GRM7: variants seen among roughly 807,000 people sequenced by gnomAD.
The protein encoded by GRM7 is glutamate metabotropic receptor 7.
In GRM7, 35 loss-of-function variants were observed where a neutral mutation model predicts 84.5. The observed-to-expected ratio is 0.41, with a 90% CI of 0.32 to 0.55. GRM7 has a LOEUF of 0.55. GRM7 is among the 20% of genes least tolerant of loss of function. GRM7 has a pLI of 0.19. For missense variants in GRM7, 1,003 were observed against 1,194.6 expected, an observed-to-expected ratio of 0.84 and a Z score of 2.36; for synonymous variants, 487 against 455.1, an observed-to-expected ratio of 1.07 and a Z score of -0.89.
At chr3:7,264,921 C>T (rs769604663) in intron 2 of GRM7, among the ~76,000 whole-genome samples, 10 of 152,186 alleles carry the variant, frequency 6.6e-5, no homozygotes, top group Non-Finnish European at 1.3e-4. Flanking sequence ...ATGAAAGTTG[C>T]ATTACTAGTT....
chr3:7,571,472 G>A (rs188922656), intron 7 of GRM7, among the ~76,000 whole-genome samples: 3 of 152,134 alleles, frequency 2.0e-5, no homozygotes, highest in Admixed American at 2.0e-4. Context: ...ATGCCACCAA[G>A]TCTCTTTGCT....
rs185534982 is a variant in GRM7 at position 7,341,254 on chromosome 3, A to G, written c.1033+34602A>G. On this transcript the variant is annotated intron_variant, in intron 4 of 9. Transcript: ENST00000357716. ...AGTACTTTCTAGAGTTTACATGAGG[A>G]TGAAAATTCAACAAATGTAACTTTA... 1.7e-3 allele frequency among the ~76,000 whole-genome samples: 256 copies of G among 152,270 alleles called. 1 individual carries two copies. Among genetic ancestry groups the G allele is most frequent in the African/African-American group, 5.8e-3 (240 of 41,572 alleles).
chr3:6,878,543 A>AAATAATAATAATAATAATAATAATAAT (rs58165323), intron 1 of GRM7, among the ~76,000 whole-genome samples: 12 of 150,290 alleles, frequency 8.0e-5, no homozygotes, highest in African/African-American at 2.9e-4. Context: ...GATTAACATA[A>AAATAATAATAATAATAATAATAATAAT]AATAATAATA....
intron 4 of GRM7, among the ~76,000 whole-genome samples, chr3:7,345,504 G>A (rs892381286): frequency 2.0e-5 from 3 of 151,994 alleles, no homozygotes; most frequent in African/African-American, 4.8e-5. Flanking sequence ...GGCTGGTCTC[G>A]AACTCCTGAC....
intron 2 of GRM7, among the ~76,000 whole-genome samples, chr3:7,270,673 A>C (rs1018560582): frequency 6.6e-6 from 1 of 152,210 alleles, no homozygotes; most frequent in African/African-American, 2.4e-5. Flanking sequence ...AAACAAACGC[A>C]GTTACGGATG....
intron 7 of GRM7, among the ~76,000 whole-genome samples, chr3:7,547,289 C>G (rs1250403088): frequency 6.8e-6 from 1 of 146,956 alleles, no homozygotes; most frequent in Non-Finnish European, 1.5e-5. Context: ...TCACTGCAAG[C>G]TCCACCCCCC....
intron 4 of GRM7, among the ~76,000 whole-genome samples, chr3:7,324,923 C>T (rs1334039184): frequency 6.6e-6 from 1 of 152,144 alleles, no homozygotes. Context: ...TAGTTTCTTC[C>T]AGTATATATC....
Position 7,005,705 on chromosome 3 carries a change from A to G in GRM7, c.520-140747A>G, listed in dbSNP as rs531551968. Among the ~76,000 whole-genome samples, 8 of 152,350 alleles carry G rather than the reference A, an allele frequency of 5.3e-5. No individual in the cohort carries two copies. In the East Asian group the frequency reaches 1.5e-3, roughly 29 times the overall value. ...GAATCAAAATTTTAATTTAAATTCA[A>G]AAATCCAGGCTTACTTCAGATACAG... On this transcript the variant is annotated intron_variant, in intron 1 of 9. Coordinates refer to ENST00000357716, the MANE Select transcript of GRM7 (RefSeq NM_000844.4).
At chr3:7,557,508 T>G (rs1254752711) in intron 7 of GRM7, among the ~76,000 whole-genome samples, 2 of 152,164 alleles carry the variant, frequency 1.3e-5, no homozygotes, top group East Asian at 3.8e-4. Flanking sequence ...TGCCATGTAT[T>G]TATCATCCTC....
intron 7 of GRM7, among the ~76,000 whole-genome samples, chr3:7,498,123 C>G (rs1371323464): frequency 6.6e-6 from 1 of 152,156 alleles, no homozygotes; most frequent in African/African-American, 2.4e-5. Context: ...TGTTGGGGTT[C>G]TATAGCTTGC....
chr3:7,678,032 T>G (rs1188164191), intron 8 of GRM7, among the ~76,000 whole-genome samples: 1 of 152,114 alleles, frequency 6.6e-6, no homozygotes, highest in Non-Finnish European at 1.5e-5. Flanking sequence ...AGCTTAACAT[T>G]GGGTAGTCAT....
intron 4 of GRM7, among the ~76,000 whole-genome samples, chr3:7,349,801 A>T (rs1481874311): frequency 1.3e-5 from 2 of 152,194 alleles, no homozygotes; most frequent in Admixed American, 6.6e-5. Context: ...ATATCTATTC[A>T]TGAAGTTTAA....
At chr3:7,559,978 C>G (rs896001744) in intron 7 of GRM7, among the ~76,000 whole-genome samples, 1 of 152,022 alleles carries the variant, frequency 6.6e-6, no homozygotes, top group Non-Finnish European at 1.5e-5. Flanking sequence ...GTATGAACCT[C>G]ATTTAAACTT....
chr3:6,927,837 C>A (rs115601882), intron 1 of GRM7, among the ~76,000 whole-genome samples: 3,054 of 152,184 alleles, frequency 0.02, 103 homozygotes, highest in African/African-American at 0.07. Context: ...TATGGGGTCA[C>A]TTATTTAAAT....
chr3:7,369,118 G>T (rs574774321), intron 4 of GRM7, among the ~76,000 whole-genome samples: 116 of 152,132 alleles, frequency 7.6e-4, no homozygotes, highest in African/African-American at 2.7e-3. Context: ...ATGGTGGCAC[G>T]ATCATAGTTC....
intron 8 of GRM7, among the ~76,000 whole-genome samples, chr3:7,622,270 G>T (rs1021941009): frequency 1.3e-5 from 2 of 152,124 alleles, no homozygotes; most frequent in Non-Finnish European, 2.9e-5. Flanking sequence ...AAAAAGGCAA[G>T]CAAAACTCCA....
chr3:7,510,281 C>G (rs1219550878), intron 7 of GRM7, among the ~76,000 whole-genome samples: 3 of 152,030 alleles, frequency 2.0e-5, no homozygotes, highest in Non-Finnish European at 4.4e-5. Flanking sequence ...TTCAGGCTCC[C>G]CAGAGAACAT....
chr3:6,911,736 T>C (rs977843049), intron 1 of GRM7, among the ~76,000 whole-genome samples: 1 of 152,208 alleles, frequency 6.6e-6, no homozygotes, highest in African/African-American at 2.4e-5. Context: ...ATTTATGTTT[T>C]AAAACTTTTT....
chr3:7,191,337 C>G (rs1360554283), intron 2 of GRM7, among the ~76,000 whole-genome samples: 2 of 151,848 alleles, frequency 1.3e-5, no homozygotes, highest in Non-Finnish European at 2.9e-5. Context: ...CAAAACTCCC[C>G]TTTATATCCA....
Sources: allele counts gnomAD v4.1 joint callset (sites outside exome capture counted in the v4.1 genomes callset), GRCh38; gene constraint gnomAD v4.1.1; transcripts MANE v1.5; gene names NCBI Gene and HGNC (gene_info 2026-07-23, HGNC 2026-07-21).